The following RHOBTB2 variants were observed in gnomAD, a reference collection of about 807,000 sequenced individuals.
The protein encoded by RHOBTB2 is rho-related BTB domain-containing protein 2.
RHOBTB2 carries 39 observed loss-of-function variants against 66.5 expected under a neutral mutation model. That is an observed-to-expected ratio of 0.59 (90% confidence interval 0.45 to 0.77). The LOEUF (loss-of-function observed/expected upper bound fraction) is 0.77, where lower values mean the gene tolerates loss of function less well. Ranked by LOEUF, RHOBTB2 falls within the 30% of genes least tolerant of loss-of-function variation. RHOBTB2 has a pLI of 0.00. For synonymous variants in RHOBTB2, 390 were observed against 395.0 expected, an observed-to-expected ratio of 0.99 and a Z score of 0.15; for missense variants, 755 against 999.1, an observed-to-expected ratio of 0.76 and a Z score of 3.29.
Position 23,004,947 on chromosome 8 carries a change from C to G in RHOBTB2, c.192+321C>G. 2.2e-6 allele frequency: 1 copy of G among 446,736 alleles called. No individual in the cohort carries two copies. Among genetic ancestry groups the G allele is most frequent in the South Asian group, 2.4e-5 (1 of 40,898 alleles). 27.7% of individuals were successfully genotyped at this position (446,736 alleles called of 1,614,324 possible). A position where few individuals can be genotyped will look rare whatever the true frequency, so the allele number is the denominator to read the frequency against. On this transcript the variant is annotated intron_variant, in intron 2 of 9. Coordinates refer to ENST00000251822, the MANE Select transcript of RHOBTB2 (RefSeq NM_015178.3). This position sits in a 1 kb window ranked among gnomAD's most constrained non-coding sequence, Gnocchi z 6.4. ...GGAGGGCTGGGGCTTGGAAGAGATA[C>G]AAGCTGAGAGGAGCAAAGAAGCTGG...
At chr8:23,001,211 C>T (rs141663911) in intron 1 of RHOBTB2, among the ~76,000 whole-genome samples, 1 of 152,094 alleles carries the variant, frequency 6.6e-6, no homozygotes, top group African/African-American at 2.4e-5. Context: ...GGTTGTGATG[C>T]CCAGGGCTGG....
At chr8:23,010,386 G>T (rs994953121) in intron 6 of RHOBTB2, 152 bp from the exon 7 acceptor site, 18 of 835,660 alleles carry the variant, frequency 2.2e-5, no homozygotes, top group African/African-American at 3.4e-5. Flanking sequence ...TGTTCTCAGG[G>T]TCTTCTCAGC....
chr8:22,976,148 A>AAAAT, the RHOBTB2 span, among the ~76,000 whole-genome samples: 5 of 152,038 alleles, frequency 3.3e-5, no homozygotes, highest in Non-Finnish European at 5.9e-5. Flanking sequence ...TCTGTCTCAA[A>AAAAT]AAATAAATAA....
intron 1 of RHOBTB2, among the ~76,000 whole-genome samples, chr8:22,989,643 G>A (rs1034070963): frequency 1.3e-5 from 2 of 152,196 alleles, no homozygotes; most frequent in African/African-American, 4.8e-5. Context: ...CTAGGTTCAG[G>A]CAAGCAAGAG....
At chr8:23,003,186 C>A (rs1810838178) in intron 1 of RHOBTB2, among the ~76,000 whole-genome samples, 1 of 152,238 alleles carries the variant, frequency 6.6e-6, no homozygotes, top group Non-Finnish European at 1.5e-5. Context: ...CGAAACCAAG[C>A]GTCCTAATCA....
chr8:23,019,797 C>G lies in RHOBTB2; in HGVS notation c.*2328C>G, dbSNP rs1811440384. On this transcript the variant is annotated 3_prime_UTR_variant, in exon 10 of 10. Transcript: ENST00000251822. ...ACTTCAGGGACCCACCGCCCATTCC[C>G]CGAGAGCTGTCGGAACCAGATGCAA... 6.1e-6 allele frequency: 1 copy of G among 163,256 alleles called. No homozygotes were observed. The highest frequency in any genetic ancestry group is 2.4e-5 in the African/African-American group (1 of 41,526). The allele number at this position is 163,256 out of a possible 1,614,324, so 10.1% of individuals were successfully genotyped here.
At chr8:22,968,830 T>A in the RHOBTB2 span, among the ~76,000 whole-genome samples, 1 of 150,796 alleles carries the variant, frequency 6.6e-6, no homozygotes. Flanking sequence ...TATAACATAA[T>A]GAGAAGAATA....
At chr8:23,005,325 C>G (rs754258342) in intron 2 of RHOBTB2, 47 bp from the exon 3 acceptor site, 1 of 1,438,800 alleles carries the variant, frequency 7.0e-7, no homozygotes, top group Non-Finnish European at 9.8e-7. Context: ...ACGCAGAGGT[C>G]CCCAAAACTG....
intron 1 of RHOBTB2, among the ~76,000 whole-genome samples, chr8:22,991,748 C>T (rs1810430564): frequency 6.6e-6 from 1 of 152,172 alleles, no homozygotes; most frequent in South Asian, 2.1e-4. Flanking sequence ...CAGGGTCCAG[C>T]CTGGAACTCT....
At chr8:23,002,802 A>C (rs1810824821) in intron 1 of RHOBTB2, among the ~76,000 whole-genome samples, 1 of 152,346 alleles carries the variant, frequency 6.6e-6, no homozygotes, top group Non-Finnish European at 1.5e-5. Flanking sequence ...ACCTCGTTGA[A>C]GGGTCCAGAT....
chr8:22,952,350 T>C, the RHOBTB2 span, among the ~76,000 whole-genome samples: 1 of 152,058 alleles, frequency 6.6e-6, no homozygotes, highest in Admixed American at 6.5e-5. Flanking sequence ...ATGCCATGCA[T>C]GCATGCCAAG....
chr8:22,992,777 T>C (rs1017789709), intron 2 of RHOBTB2, among the ~76,000 whole-genome samples: 14 of 152,258 alleles, frequency 9.2e-5, no homozygotes, highest in Non-Finnish European at 1.6e-4. Flanking sequence ...CCAATTTCTT[T>C]ACTGAAGTCG....
the RHOBTB2 span, among the ~76,000 whole-genome samples, chr8:22,956,791 A>G: frequency 4.2e-4 from 64 of 152,228 alleles, no homozygotes; most frequent in Non-Finnish European, 7.8e-4. Context: ...CCTCACAAGT[A>G]GCTGGATTAT....
rs766510140 is a variant in RHOBTB2, at chr8:23,010,614, G to A, written c.1697G>A (p.Ser566Asn). ...EYLYTGMFTSSPDLDDMKLII... is the reference protein window; with the variant it reads ...EYLYTGMFTSNPDLDDMKLII... ...CTCTACACCGGCATGTTCACCTCCA[G>A]CCCCGACCTGGATGACATGAAGCTC... The change falls in exon 7 of 10, where the codon AGC becomes AAC. Residue 566 changes from serine to asparagine, a missense_variant. By Grantham distance (46) the Ser-to-Asn change is conservative (BLOSUM62 1). Transcript: ENST00000251822. 4.3e-6 allele frequency: 7 copies of A among 1,614,042 alleles called. No homozygotes were observed. The Admixed American group carries it at 1.0e-4, about 23-fold the overall frequency.
chr8:23,017,486 T>C lies in RHOBTB2; in HGVS notation c.*17T>C, dbSNP rs991585675. ...GTGGTCTGAGATGCTGCCACCCTCT[T>C]CTGACCCTGCTGCTGTTGTCCCCAT... On this transcript the variant is annotated 3_prime_UTR_variant, in exon 10 of 10. Transcript: ENST00000251822. The surrounding 1 kb of genome is among the most constrained non-coding windows in gnomAD (Gnocchi z 5.3). 17 of 1,562,908 alleles carry C rather than the reference T, an allele frequency of 1.1e-5. No individual in the cohort carries two copies. Among genetic ancestry groups the C allele is most frequent in the Non-Finnish European group, 1.4e-5 (16 of 1,153,954 alleles).
the RHOBTB2 span, among the ~76,000 whole-genome samples, chr8:22,953,886 A>G: frequency 6.6e-6 from 1 of 152,228 alleles, no homozygotes; most frequent in Non-Finnish European, 1.5e-5. Flanking sequence ...GGCCTGTCAG[A>G]GCACTGCCAG....
At chr8:22,979,944 G>C in the RHOBTB2 span, among the ~76,000 whole-genome samples, 1 of 151,724 alleles carries the variant, frequency 6.6e-6, no homozygotes. Flanking sequence ...TTTTTTAGTA[G>C]AGACGGGGTT....
Position 23,007,722 on chromosome 8 carries a change from TG to T in RHOBTB2, c.1478del (p.Cys493SerfsTer10). On this transcript the variant is annotated frameshift_variant, in exon 5 of 10. Transcript: ENST00000251822. LOFTEE classifies it high-confidence loss of function. ...CCGCCGGACCAACCGGGTTAAGGAGTGCTTGGCAAAAGGCACCTTCTCAGGT... is the reference window on the plus strand; with the variant it reads ...CCGCCGGACCAACCGGGTTAAGGAGTCTTGGCAAAAGGCACCTTCTCAGGT... The part of the protein sequence containing the change: ...HVRRTNRVKE[C>X]LAKGTFSDVT... 6.2e-7 allele frequency: 1 copy of T among 1,613,328 alleles called. No individual in the cohort carries two copies. Among genetic ancestry groups the T allele is most frequent in the East Asian group, 2.2e-5 (1 of 44,862 alleles).
At chr8:22,953,909 G>T in the RHOBTB2 span, among the ~76,000 whole-genome samples, 1 of 152,204 alleles carries the variant, frequency 6.6e-6, no homozygotes, top group South Asian at 2.1e-4. Context: ...GTACAAGGCT[G>T]CCTTTGTACT....
Sources: gnomAD v4.1 joint callset for allele counts (sites outside exome capture counted in the v4.1 genomes callset) on GRCh38, gnomAD v4.1.1 for gene constraint, Gnocchi (gnomAD v3.1) non-coding constraint, MANE v1.5 for transcripts, NCBI Gene and HGNC (gene_info 2026-07-23, HGNC 2026-07-21) for gene names.